CKAP5: variants seen among roughly 807,000 people sequenced by gnomAD.
CKAP5 encodes cytoskeleton associated protein 5, also known as cytoskeleton-associated protein 5.
A neutral mutation model predicts 232.8 loss-of-function variants in CKAP5; 27 were observed. The ratio of observed to expected loss-of-function variants is 0.12; its 90% CI spans 0.09 to 0.16. The LOEUF is 0.16. CKAP5 is among the 10% of genes least tolerant of loss of function. The pLI is 1.00. For synonymous variants in CKAP5, 785 were observed against 841.1 expected (o/e 0.93, Z 1.16); for missense variants, 1,838 against 2,424.7 (o/e 0.76, Z 5.08).
intron 4 of CKAP5, among the ~76,000 whole-genome samples, chr11:46,811,885 ATAAT>A (rs1939281931): frequency 1.3e-5 from 2 of 152,212 alleles, no homozygotes; most frequent in Non-Finnish European, 2.9e-5. Context: ...AATAGCTCCT[ATAAT>A]TAAAGTGATT....
Position 46,763,104 on chromosome 11 carries a change from C to CA in CKAP5, c.3762dup (p.Asp1255Ter), listed in dbSNP as rs778215298. On this transcript the variant is annotated frameshift_variant, in exon 30 of 44. Coordinates refer to ENST00000529230, the MANE Select transcript of CKAP5 (RefSeq NM_001008938.4). LOFTEE classifies it high-confidence loss of function. The stretch of plus-strand genomic sequence containing the variant: ...TTCATCAGGACGCTTGTATTGGTGT[C>CA]AAAAAACCTCAGGGTAAGCCACTTT... The CA allele has an allele frequency of 6.2e-7, 1 of 1,613,690 alleles. No individual in the cohort carries two copies. The highest frequency in any genetic ancestry group is 2.2e-5 in the East Asian group (1 of 44,856).
In CKAP5 at chr11:46,797,964, T is replaced by C; in HGVS notation, c.1179A>G (p.Thr393=). 4 of 1,611,556 alleles carry C rather than the reference T, an allele frequency of 2.5e-6. No homozygotes were observed. The highest frequency in any genetic ancestry group is 1.3e-5 in the African/African-American group (1 of 74,812). ...EAIDAIFLTT[T]LQNISEDVLA... ...AAACATCCTCACTGATGTTCTGTAG[T>C]GTGGTCTTTAGAAAGAAAATGTGGT... Residue 393 remains threonine, a synonymous_variant, in exon 11 of 44, where the codon ACA becomes ACG. Transcript: ENST00000529230.
At chr11:46,787,329 A>G (rs2065404758) in intron 16 of CKAP5, among the ~76,000 whole-genome samples, 1 of 152,198 alleles carries the variant, frequency 6.6e-6, no homozygotes, top group Admixed American at 6.6e-5. Context: ...GTGGCAGCAG[A>G]AGAGAAACCA....
At chr11:46,843,604 G>A (rs990568893) in intron 1 of CKAP5, among the ~76,000 whole-genome samples, 7 of 151,780 alleles carry the variant, frequency 4.6e-5, no homozygotes, top group African/African-American at 1.7e-4. Flanking sequence ...GGTGATGCAC[G>A]TCTGTAGTCC....
At chr11:46,778,639 T>A in intron 20 of CKAP5, 40 bp from the exon 21 acceptor site, 3 of 1,582,898 alleles carry the variant, frequency 1.9e-6, no homozygotes, top group Non-Finnish European at 2.6e-6. Flanking sequence ...GAAATTTATA[T>A]AGGATATGGG....
intron 27 of CKAP5, among the ~76,000 whole-genome samples, chr11:46,766,852 C>T (rs2065206227): frequency 6.6e-6 from 1 of 152,144 alleles, no homozygotes; most frequent in Non-Finnish European, 1.5e-5. Context: ...GAAAGAATTG[C>T]TGATGCATCA....
At chr11:46,790,663 G>A in intron 13 of CKAP5, 80 bp from the exon 14 acceptor site, 1 of 1,008,584 alleles carries the variant, frequency 9.9e-7, no homozygotes, top group Admixed American at 2.6e-5. Context: ...TTTTTTTTGA[G>A]ACAGTGTCTC....
intron 17 of CKAP5, 58 bp from the exon 18 acceptor site, chr11:46,783,426 G>T: frequency 9.3e-7 from 1 of 1,079,342 alleles, no homozygotes; most frequent in Non-Finnish European, 1.4e-6. Context: ...TAGAAATACA[G>T]CATGACATTA....
intron 1 of CKAP5, among the ~76,000 whole-genome samples, chr11:46,842,024 AT>A (rs1940066889): frequency 6.6e-6 from 1 of 150,474 alleles, no homozygotes; most frequent in Non-Finnish European, 1.5e-5. Flanking sequence ...AAAAAGCGAA[AT>A]GTTAAATCCC....
intron 19 of CKAP5, 23 bp from the exon 20 acceptor site, chr11:46,780,342 C>T (rs192473307): frequency 1.9e-6 from 3 of 1,613,618 alleles, no homozygotes; most frequent in Non-Finnish European, 2.5e-6. Flanking sequence ...AGAAAAATAA[C>T]TTTTTAAATC....
intron 1 of CKAP5, among the ~76,000 whole-genome samples, chr11:46,824,717 T>C (rs530475088): frequency 1.3e-5 from 2 of 152,340 alleles, no homozygotes; most frequent in Admixed American, 1.3e-4. Flanking sequence ...ATTTGGAAGT[T>C]TCTCAAAAAG....
At chr11:46,845,297 GAA>G (rs922773156) in intron 1 of CKAP5, among the ~76,000 whole-genome samples, 2 of 152,130 alleles carry the variant, frequency 1.3e-5, no homozygotes, top group Non-Finnish European at 2.9e-5. Flanking sequence ...GGTCCCATGA[GAA>G]TTAAATTAGA....
intron 4 of CKAP5, among the ~76,000 whole-genome samples, chr11:46,815,242 G>A (rs990269600): frequency 2.0e-5 from 3 of 151,376 alleles, no homozygotes; most frequent in South Asian, 2.1e-4. Flanking sequence ...TGGTAGAGAC[G>A]TTTCACCACA....
At chr11:46,845,423 T>C (rs150218525) in intron 1 of CKAP5, among the ~76,000 whole-genome samples, 1 of 152,318 alleles carries the variant, frequency 6.6e-6, no homozygotes, top group Non-Finnish European at 1.5e-5. Context: ...TAACACACAC[T>C]AGCCACTCTG....
chr11:46,767,726 G>T (rs2065214529), intron 26 of CKAP5, 63 bp from the exon 27 acceptor site: 2 of 982,476 alleles, frequency 2.0e-6, no homozygotes, highest in African/African-American at 1.7e-5. Context: ...TTTTGGACAG[G>T]TTAAATATAT....
chr11:46,813,964 C>T (rs12286736), intron 4 of CKAP5, among the ~76,000 whole-genome samples: 1 of 151,102 alleles, frequency 6.6e-6, no homozygotes, highest in Non-Finnish European at 1.5e-5. Context: ...AAACCCATCT[C>T]TATTAAAGAA....
intron 16 of CKAP5, among the ~76,000 whole-genome samples, chr11:46,786,596 C>A (rs7937765): frequency 0.019 from 2,921 of 152,244 alleles, 98 homozygotes; most frequent in African/African-American, 0.067. Context: ...GCTGGGGGAA[C>A]CCAGCTTGGT....
intron 38 of CKAP5, 127 bp downstream of exon 38, chr11:46,752,508 A>G (rs1003949908): frequency 5.0e-6 from 3 of 605,186 alleles, no homozygotes; most frequent in Admixed American, 3.5e-5. Flanking sequence ...TACGAAAAAT[A>G]TATTTTCAGG....
chr11:46,793,611 C>T (rs139789516), intron 13 of CKAP5, among the ~76,000 whole-genome samples: 2 of 152,206 alleles, frequency 1.3e-5, no homozygotes, highest in Non-Finnish European at 2.9e-5. Flanking sequence ...TTTAATGATA[C>T]TTTCTGATCC....
Sources: gnomAD v4.1 joint callset for allele counts (sites outside exome capture counted in the v4.1 genomes callset) on GRCh38, gnomAD v4.1.1 for gene constraint, MANE v1.5 for transcripts, NCBI Gene and HGNC (gene_info 2026-07-23, HGNC 2026-07-21) for gene names.